The following FCRL1 variants were observed in gnomAD, a reference collection of about 807,000 sequenced individuals.
FCRL1 encodes the protein Fc receptor-like protein 1.
In FCRL1, 34 loss-of-function variants were observed where a neutral mutation model predicts 49.2. The ratio of observed to expected loss-of-function variants is 0.69; its 90% CI spans 0.53 to 0.92. The LOEUF is 0.92. FCRL1 is among the 40% of genes least tolerant of loss of function. The pLI is 0.00. For missense variants in FCRL1, 524 were observed against 524.1 expected (o/e 1.00, Z 0.00); for synonymous variants, 218 against 201.6 (o/e 1.08, Z -0.69).
chr1:157,816,400 CG>C (rs1655025290), intron 1 of FCRL1, among the ~76,000 whole-genome samples: 1 of 151,702 alleles, frequency 6.6e-6, no homozygotes, highest in South Asian at 2.1e-4. Context: ...CATCCATTTA[CG>C]TTAAAAACTC....
At chr1:157,813,752 A>G (rs1654663181) in intron 1 of FCRL1, among the ~76,000 whole-genome samples, 1 of 152,186 alleles carries the variant, frequency 6.6e-6, no homozygotes. Flanking sequence ...AAAAATCCCC[A>G]AATAGATTTA....
At position 157,798,033 on chromosome 1, in the gene FCRL1, G is replaced by A. The variant is rs1053728476; in HGVS notation, c.1115-94C>T. 7.9e-6 allele frequency: 12 copies of A among 1,509,466 alleles called. No individual in the cohort carries two copies. The African/African-American group carries it at 9.6e-5, about 12-fold the overall frequency. The allele number at this position is 1,509,466 out of a possible 1,614,324, so 93.5% of individuals were successfully genotyped here. A position where few individuals can be genotyped will look rare whatever the true frequency, so the allele number is the denominator to read the frequency against. ...TCCACCTGTCACAGCCATGAAGACA[G>A]ATGAGTCATTTGTTTGTAGCAGAGG... On this transcript the variant is annotated intron_variant, in intron 8 of 10. Coordinates refer to ENST00000368176, the MANE Select transcript of FCRL1 (RefSeq NM_052938.5).
At chr1:157,800,819 T>C (rs1251006266) in intron 6 of FCRL1, among the ~76,000 whole-genome samples, 2 of 152,064 alleles carry the variant, frequency 1.3e-5, no homozygotes, top group Non-Finnish European at 2.9e-5. Context: ...ACTTTAGTAC[T>C]GCGATATAGT....
chr1:157,820,059 A>G lies in FCRL1; in HGVS notation c.-22T>C. 4 of 1,614,040 alleles carry G rather than the reference A, an allele frequency of 2.5e-6. No homozygotes were observed. Among genetic ancestry groups the G allele is most frequent in the Non-Finnish European group, 3.4e-6 (4 of 1,179,962 alleles). On this transcript the variant is annotated 5_prime_UTR_variant, in exon 1 of 11. Coordinates refer to ENST00000368176, the MANE Select transcript of FCRL1 (RefSeq NM_052938.5). ...GCATGAGGACCAGGTCAGGGATGGT[A>G]CCTAGAGATGCCTCTCATCAAAAAA...
At chr1:157,805,039 T>A (rs1188492238) in intron 2 of FCRL1, among the ~76,000 whole-genome samples, 1 of 152,108 alleles carries the variant, frequency 6.6e-6, no homozygotes, top group Non-Finnish European at 1.5e-5. Context: ...TTATTTATTT[T>A]TTGTAGAGAT....
chr1:157,819,514 T>C (rs971874648), intron 1 of FCRL1, among the ~76,000 whole-genome samples: 2 of 151,952 alleles, frequency 1.3e-5, no homozygotes, highest in Admixed American at 6.6e-5. Flanking sequence ...TGAAGTCATG[T>C]TGGAAATAGA....
intron 7 of FCRL1, 144 bp downstream of exon 7, chr1:157,799,914 C>A: frequency 2.1e-6 from 1 of 475,842 alleles, no homozygotes; most frequent in Non-Finnish European, 3.7e-6. Flanking sequence ...ATGAATTGTT[C>A]AAAGTTGCCA....
intron 2 of FCRL1, 46 bp from the exon 3 acceptor site, chr1:157,804,157 T>C: frequency 6.3e-7 from 1 of 1,595,992 alleles, no homozygotes; most frequent in East Asian, 2.2e-5. Context: ...GTTCGGAATT[T>C]CTGGTAAGAG....
intron 1 of FCRL1, among the ~76,000 whole-genome samples, chr1:157,809,673 T>C (rs1305404048): frequency 6.6e-6 from 1 of 152,130 alleles, no homozygotes; most frequent in Non-Finnish European, 1.5e-5. Context: ...GTTGGTCAGC[T>C]TGGTCTGAAC....
At chr1:157,816,155 C>T (rs951068174) in intron 1 of FCRL1, among the ~76,000 whole-genome samples, 2 of 151,834 alleles carry the variant, frequency 1.3e-5, no homozygotes, top group African/African-American at 2.4e-5. Flanking sequence ...AAAAAGAAAA[C>T]TACAGGCTGA....
intron 10 of FCRL1, among the ~76,000 whole-genome samples, chr1:157,796,386 T>C (rs1364122616): frequency 2.0e-5 from 3 of 152,244 alleles, no homozygotes; most frequent in Non-Finnish European, 4.4e-5. Flanking sequence ...TGCAAACTGA[T>C]GCAAACATAC....
intron 2 of FCRL1, among the ~76,000 whole-genome samples, chr1:157,805,941 C>T (rs200121395): frequency 6.6e-6 from 1 of 152,160 alleles, no homozygotes; most frequent in Non-Finnish European, 1.5e-5. Flanking sequence ...ACCCACTATT[C>T]TCAATGGGGC....
intron 5 of FCRL1, 47 bp downstream of exon 5, chr1:157,801,868 C>T (rs777540856): frequency 6.4e-7 from 1 of 1,565,718 alleles, no homozygotes. Flanking sequence ...TCCCAGGACG[C>T]TGGGAAGGAG....
At chr1:157,816,797 ATAGATAG>A (rs1263056156) in intron 1 of FCRL1, among the ~76,000 whole-genome samples, 2 of 143,956 alleles carry the variant, frequency 1.4e-5, no homozygotes, top group African/African-American at 5.8e-5. Flanking sequence ...AGATAGATAG[ATAGATAG>A]ATAGATAGAT....
intron 6 of FCRL1, among the ~76,000 whole-genome samples, chr1:157,800,876 A>C (rs577833550): frequency 6.6e-6 from 1 of 151,144 alleles, no homozygotes; most frequent in Non-Finnish European, 1.5e-5. Flanking sequence ...GTGGCAGATT[A>C]TGTTAAATAG....
intron 1 of FCRL1, among the ~76,000 whole-genome samples, chr1:157,819,213 G>T (rs1416543277): frequency 6.6e-6 from 1 of 152,182 alleles, no homozygotes; most frequent in Non-Finnish European, 1.5e-5. Flanking sequence ...GAACATGTAG[G>T]ATAATTGCCT....
At chr1:157,807,208 A>G in intron 1 of FCRL1, 86 bp from the exon 2 acceptor site, 1 of 1,408,588 alleles carries the variant, frequency 7.1e-7, no homozygotes, top group Non-Finnish European at 9.8e-7. Context: ...CTTCCCCAAC[A>G]CCACACCCTC....
intron 7 of FCRL1, among the ~76,000 whole-genome samples, chr1:157,799,240 T>G (rs1338573815): frequency 6.6e-6 from 1 of 152,156 alleles, no homozygotes; most frequent in Non-Finnish European, 1.5e-5. Context: ...GCTCAGGTGA[T>G]CTGCCCGCCT....
At chr1:157,817,697 C>T (rs1655233384) in intron 1 of FCRL1, among the ~76,000 whole-genome samples, 1 of 151,998 alleles carries the variant, frequency 6.6e-6, no homozygotes, top group Non-Finnish European at 1.5e-5. Flanking sequence ...AACCAAAAGG[C>T]TTCAGCATAG....
Sources: allele counts gnomAD v4.1 joint callset (sites outside exome capture counted in the v4.1 genomes callset), GRCh38; gene constraint gnomAD v4.1.1; transcripts MANE v1.5; gene names NCBI Gene and HGNC (gene_info 2026-07-23, HGNC 2026-07-21).